The following FOSB variants were observed in gnomAD, a reference collection of about 807,000 sequenced individuals.
FOSB encodes FosB proto-oncogene, AP-1 transcription factor subunit.
In FOSB, 8 loss-of-function variants were observed where a neutral mutation model predicts 31.1. The ratio of observed to expected loss-of-function variants is 0.26; its 90% CI spans 0.15 to 0.46. The LOEUF is 0.46. Among genes scored for constraint, FOSB ranks in the 20% least tolerant of loss-of-function variants. The pLI is 0.99. For missense variants in FOSB, 376 were observed against 460.6 expected (o/e 0.82, Z 1.68); for synonymous variants, 214 against 206.1 (o/e 1.04, Z -0.33).
At position 45,472,886 on chromosome 19, in the gene FOSB, C is replaced by A. The variant is rs1390201801; in HGVS notation, c.891C>A (p.Asn297Lys). Reference protein sequence around the residue: ...QVLGDPFPVVNPSYTSSFVLT... With the variant: ...QVLGDPFPVVKPSYTSSFVLT... ...TCGGCGACCCCTTCCCCGTTGTTAA[C>A]CCTTCGTACACTTCTTCGTTTGTCC... The change falls in exon 4 of 4, where the codon AAC (asparagine) becomes AAA (lysine). Residue 297 changes from asparagine (N) to lysine (K), a missense_variant. By Grantham distance (94) the Asn-to-Lys change is moderately conservative. This residue lies in a region of FOSB where 148 missense variants were observed against 170.0 expected (regional missense o/e 0.87). Coordinates refer to ENST00000353609, the MANE Select transcript of FOSB (RefSeq NM_006732.3). The surrounding 1 kb of genome is among the most constrained non-coding windows in gnomAD (Gnocchi z 5.4). 2 of 1,614,094 alleles carry A rather than the reference C, an allele frequency of 1.2e-6. No homozygotes were observed. The highest frequency in any genetic ancestry group is 1.7e-6 in the Non-Finnish European group (2 of 1,180,052).
rs1478897324 is a variant in FOSB at position 45,472,695 on chromosome 19, C to T, written c.700C>T (p.Pro234Ser). The T allele has an allele frequency of 6.2e-7, 1 of 1,608,614 alleles. No individual in the cohort carries two copies. Among genetic ancestry groups the T allele is most frequent in the African/African-American group, 1.3e-5 (1 of 74,734 alleles). ...CTACGAAGAGGGGCCCGGGCCGGGC[C>T]CGCTGGCGGAGGTGAGAGATTTGCC... ...IPYEEGPGPG[P>S]LAEVRDLPGS... Residue 234 changes from proline to serine, a missense_variant, in exon 4 of 4, where the codon CCG becomes TCG. By Grantham distance (74) the Pro-to-Ser change is moderately conservative. Around this residue, in one of 3 missense-constraint regions of FOSB, gnomAD observed 148 missense variants for 170.0 expected, o/e 0.87. Coordinates refer to ENST00000353609, the MANE Select transcript of FOSB (RefSeq NM_006732.3). The surrounding 1 kb of genome is among the most constrained non-coding windows in gnomAD (Gnocchi z 5.4).
chr19:45,471,967 T>A (rs948182313), intron 3 of FOSB: 4 of 152,436 alleles, frequency 2.6e-5, no homozygotes, highest in African/African-American at 9.7e-5. Context: ...CAGTGGCTCA[T>A]GCCTGTGATC....
Position 45,472,840 on chromosome 19 carries a change from C to T in FOSB, c.845C>T (p.Thr282Ile). ...CCCAACCTGACGGCTTCTCTCTTTACACACAGTGAAGTTCAAGTCCTCGGC... is the reference window on the plus strand; with the variant it reads ...CCCAACCTGACGGCTTCTCTCTTTATACACAGTGAAGTTCAAGTCCTCGGC... ...APPNLTASLF[T>I]HSEVQVLGDP... The change falls in exon 4 of 4, where the codon ACA becomes ATA. Residue 282 changes from threonine (T) to isoleucine (I), a missense_variant. Physicochemically the swap from Thr to Ile is moderately conservative, Grantham distance 89 (BLOSUM62 -1). Coordinates refer to ENST00000353609, the MANE Select transcript of FOSB (RefSeq NM_006732.3). The surrounding 1 kb of genome is among the most constrained non-coding windows in gnomAD (Gnocchi z 5.4). The T allele has an allele frequency of 6.2e-7, 1 of 1,614,222 alleles. No homozygotes were observed. Among genetic ancestry groups the T allele is most frequent in the East Asian group, 2.2e-5 (1 of 44,888 alleles).
At position 45,470,889 on chromosome 19, in the gene FOSB, C is replaced by T. The variant is rs1046677173; in HGVS notation, c.387C>T (p.Thr129=). 1 of 1,613,906 alleles carries T rather than the reference C, an allele frequency of 6.2e-7. No homozygotes were observed. The highest frequency in any genetic ancestry group is 1.1e-5 in the South Asian group (1 of 91,076). Residue 129 remains threonine, a synonymous_variant, in exon 2 of 4, where the codon ACC becomes ACT. Coordinates refer to ENST00000353609, the MANE Select transcript of FOSB (RefSeq NM_006732.3). ...GSGGPSTSGT[T]SGPGPARPAR... ...GTGGGCCTTCCACCAGCGGAACTACCAGTGGGCCTGGGCCTGCCCGCCCAG... is the reference window on the plus strand; with the variant it reads ...GTGGGCCTTCCACCAGCGGAACTACTAGTGGGCCTGGGCCTGCCCGCCCAG...
rs1967802639 is a variant in FOSB at position 45,475,089 on chromosome 19, T to A, written c.*2077T>A. On this transcript the variant is annotated 3_prime_UTR_variant, in exon 4 of 4. Transcript: ENST00000353609. ...TGGTTCTCTTTTTGTATTTTGCATC[T>A]GACCCCGGGGGGCTGGGACAGATTG... 2.0e-5 allele frequency: 3 copies of A among 152,666 alleles called. 1 individual carries two copies. The South Asian group carries it at 6.2e-4, about 32-fold the overall frequency. 9.5% of individuals were successfully genotyped at this position (152,666 alleles called of 1,614,324 possible). A position where few individuals can be genotyped will look rare whatever the true frequency, so the allele number is the denominator to read the frequency against.
rs1599891788 is a variant in FOSB at position 45,472,731 on chromosome 19, C to T, written c.736C>T (p.Pro246Ser). ...GGTGAGAGATTTGCCGGGCTCAGCACCGGCTAAGGAAGATGGCTTCAGCTG... is the reference window on the plus strand; with the variant it reads ...GGTGAGAGATTTGCCGGGCTCAGCATCGGCTAAGGAAGATGGCTTCAGCTG... The part of the protein sequence containing the change: ...AEVRDLPGSA[P>S]AKEDGFSWLL... The change falls in exon 4 of 4, where the codon CCG (proline) becomes TCG (serine). Residue 246 changes from proline (P) to serine (S), a missense_variant. Around this residue, in one of 3 missense-constraint regions of FOSB, gnomAD observed 148 missense variants for 170.0 expected, o/e 0.87. Transcript: ENST00000353609. This position sits in a 1 kb window ranked among gnomAD's most constrained non-coding sequence, Gnocchi z 5.4. 6.2e-7 allele frequency: 1 copy of T among 1,613,022 alleles called. No homozygotes were observed. Among genetic ancestry groups the T allele is most frequent in the Non-Finnish European group, 8.5e-7 (1 of 1,179,424 alleles).
At chr19:45,471,150 G>A in intron 2 of FOSB, 44 bp from the exon 3 acceptor site, 1 of 1,499,592 alleles carries the variant, frequency 6.7e-7, no homozygotes, top group Non-Finnish European at 9.1e-7. Flanking sequence ...GGGTGGAGGA[G>A]TGCTGTATCC....
In FOSB at chr19:45,472,253, C is replaced by T. The variant is rs1404479230; in HGVS notation, c.556-298C>T. Among the ~76,000 whole-genome samples the T allele has an allele frequency of 2.0e-5, 3 of 152,134 alleles. No homozygotes were observed. Among genetic ancestry groups the T allele is most frequent in the Non-Finnish European group, 1.5e-5 (1 of 68,028 alleles). On this transcript the variant is annotated intron_variant, in intron 3 of 3. Coordinates refer to ENST00000353609, the MANE Select transcript of FOSB (RefSeq NM_006732.3). This position sits in a 1 kb window ranked among gnomAD's most constrained non-coding sequence, Gnocchi z 5.4. ...GGCTCAAAAGCAAAACAAAACCAAC[C>T]ACATAACGATTGTTCATTCATTCAA...
Position 45,473,300 on chromosome 19 carries a change from T to G in FOSB, c.*288T>G. ...CACCCCCAGCTGACTGTTGGCTCTC[T>G]GACGTCAACCCAAGCTCTGGGGATG... On this transcript the variant is annotated 3_prime_UTR_variant, in exon 4 of 4. Coordinates refer to ENST00000353609, the MANE Select transcript of FOSB (RefSeq NM_006732.3). 1 of 198,892 alleles carries G rather than the reference T, an allele frequency of 5.0e-6. No individual in the cohort carries two copies. Among genetic ancestry groups the G allele is most frequent in the Non-Finnish European group, 9.7e-6 (1 of 103,304 alleles). 12.3% of individuals were successfully genotyped at this position (198,892 alleles called of 1,614,324 possible). A position where few individuals can be genotyped will look rare whatever the true frequency, so the allele number is the denominator to read the frequency against.
chr19:45,470,327 C>T (rs969576611), intron 1 of FOSB: 24 of 393,130 alleles, frequency 6.1e-5, no homozygotes, highest in Non-Finnish European at 9.7e-5. Context: ...CTCCTCTCCA[C>T]CCCCCATACC....
rs1272786718 is a variant in FOSB at position 45,472,672 on chromosome 19, A to G, written c.677A>G (p.Tyr226Cys). ...CACAAACCGGGCTGCAAGATCCCCT[A>G]CGAAGAGGGGCCCGGGCCGGGCCCG... ...VAHKPGCKIP[Y>C]EEGPGPGPLA... The change falls in exon 4 of 4, where the codon TAC becomes TGC. Residue 226 changes from tyrosine to cysteine, a missense_variant. Tyr to Cys is a radical substitution (Grantham distance 194, BLOSUM62 -2). Transcript: ENST00000353609. The surrounding 1 kb of genome is among the most constrained non-coding windows in gnomAD (Gnocchi z 5.4). 1 of 1,605,190 alleles carries G rather than the reference A, an allele frequency of 6.2e-7. No individual in the cohort carries two copies. The highest frequency in any genetic ancestry group is 1.1e-5 in the South Asian group (1 of 90,228).
At chr19:45,470,593 G>A (rs1315622807) in intron 1 of FOSB, 36 bp from the exon 2 acceptor site, 2 of 1,549,024 alleles carry the variant, frequency 1.3e-6, no homozygotes, top group Non-Finnish European at 1.7e-6. Flanking sequence ...CTTTGTTTGT[G>A]TGTCTACGCC....
Position 45,472,762 on chromosome 19 carries a change from T to G in FOSB, c.767T>G (p.Leu256Arg), listed in dbSNP as rs1967724891. ...PAKEDGFSWL[L>R]PPPPPPPLPF... ...AAGGAAGATGGCTTCAGCTGGCTGC[T>G]GCCGCCCCCGCCACCACCGCCCCTG... Residue 256 changes from leucine (L) to arginine (R), a missense_variant, in exon 4 of 4, where the codon CTG becomes CGG. Transcript: ENST00000353609. The surrounding 1 kb of genome is among the most constrained non-coding windows in gnomAD (Gnocchi z 5.4). The G allele has an allele frequency of 6.2e-7, 1 of 1,613,866 alleles. No individual in the cohort carries two copies. The highest frequency in any genetic ancestry group is 8.5e-7 in the Non-Finnish European group (1 of 1,179,924).
Position 45,473,284 on chromosome 19 carries a change from C to A in FOSB, c.*272C>A. The A allele has an allele frequency of 3.0e-6, 1 of 328,206 alleles. No individual in the cohort carries two copies. Among genetic ancestry groups the A allele is most frequent in the Non-Finnish European group, 5.7e-6 (1 of 175,462 alleles). 20.3% of individuals were successfully genotyped at this position (328,206 alleles called of 1,614,324 possible). ...GTGGGAAGGGGATGGACACCCCCAGCTGACTGTTGGCTCTCTGACGTCAAC... is the reference window on the plus strand; with the variant it reads ...GTGGGAAGGGGATGGACACCCCCAGATGACTGTTGGCTCTCTGACGTCAAC... On this transcript the variant is annotated 3_prime_UTR_variant, in exon 4 of 4. Transcript: ENST00000353609.
rs1456886962 is a variant in FOSB at position 45,468,430 on chromosome 19, C to A, written c.-157C>A. 1.3e-6 allele frequency: 1 copy of A among 774,522 alleles called. No homozygotes were observed. The highest frequency in any genetic ancestry group is 2.6e-5 in the East Asian group (1 of 38,124). 48.0% of individuals were successfully genotyped at this position (774,522 alleles called of 1,614,324 possible). A position where few individuals can be genotyped will look rare whatever the true frequency, so the allele number is the denominator to read the frequency against. ...TTGGAACGGGACGTTGCTCCTTCCC[C>A]GAGCTTCCCCGGACAGCGTACTTTG... On this transcript the variant is annotated 5_prime_UTR_variant, in exon 1 of 4. Coordinates refer to ENST00000353609, the MANE Select transcript of FOSB (RefSeq NM_006732.3). The surrounding 1 kb of genome is among the most constrained non-coding windows in gnomAD (Gnocchi z 4.8).
rs1323284240 is a variant in FOSB, at chr19:45,472,719, C to G, written c.724C>G (p.Pro242Ala). The G allele has an allele frequency of 3.1e-5, 50 of 1,610,482 alleles. No individual in the cohort carries two copies. The highest frequency in any genetic ancestry group is 4.0e-5 in the Non-Finnish European group (47 of 1,178,230). ...CCCGCTGGCGGAGGTGAGAGATTTGCCGGGCTCAGCACCGGCTAAGGAAGA... is the reference window on the plus strand; with the variant it reads ...CCCGCTGGCGGAGGTGAGAGATTTGGCGGGCTCAGCACCGGCTAAGGAAGA... Reference protein sequence around the residue: ...PGPLAEVRDLPGSAPAKEDGF... With the variant: ...PGPLAEVRDLAGSAPAKEDGF... Residue 242 changes from proline (P) to alanine (A), a missense_variant, in exon 4 of 4, where the codon CCG (proline) becomes GCG (alanine). By Grantham distance (27) the Pro-to-Ala change is conservative. Coordinates refer to ENST00000353609, the MANE Select transcript of FOSB (RefSeq NM_006732.3). The surrounding 1 kb of genome is among the most constrained non-coding windows in gnomAD (Gnocchi z 5.4).
At chr19:45,469,489 C>T (rs1430625394) in intron 1 of FOSB, among the ~76,000 whole-genome samples, 3 of 152,198 alleles carry the variant, frequency 2.0e-5, no homozygotes, top group Non-Finnish European at 4.4e-5. Flanking sequence ...ACCCGTGGTT[C>T]CTTGGCGGCT....
At position 45,470,794 on chromosome 19, in the gene FOSB, G is replaced by T; in HGVS notation, c.292G>T (p.Asp98Tyr). ...ASQPPVVDPY[D>Y]MPGTSYSTPG... is the part of the protein sequence containing the mutation. Reference sequence around the variant, plus strand: ...CCAGCCCCCGGTCGTCGACCCCTACGACATGCCGGGAACCAGCTACTCCAC... The same window carrying T: ...CCAGCCCCCGGTCGTCGACCCCTACTACATGCCGGGAACCAGCTACTCCAC... Residue 98 changes from aspartate (D) to tyrosine (Y), a missense_variant, in exon 2 of 4, where the codon GAC (aspartate) becomes TAC (tyrosine). Asp to Tyr is a radical substitution (Grantham distance 160). Transcript: ENST00000353609. The T allele has an allele frequency of 6.2e-7, 1 of 1,614,030 alleles. No homozygotes were observed. Among genetic ancestry groups the T allele is most frequent in the Non-Finnish European group, 8.5e-7 (1 of 1,180,024 alleles).
chr19:45,471,227 C>T lies in FOSB; in HGVS notation c.481C>T (p.Arg161Cys), dbSNP rs865814257. The change falls in exon 3 of 4, where the codon CGC (arginine) becomes TGC (cysteine). Residue 161 changes from arginine (R) to cysteine (C), a missense_variant. Transcript: ENST00000353609. ...TPEEEEKRRV[R>C]RERNKLAAAK... ...AGAGGAAGAGGAGAAGCGAAGGGTG[C>T]GCCGGGAACGAAATAAACTAGCAGC... 2 of 1,567,796 alleles carry T rather than the reference C, an allele frequency of 1.3e-6. No individual in the cohort carries two copies. The highest frequency in any genetic ancestry group is 1.7e-6 in the Non-Finnish European group (2 of 1,155,902).
Sources: gnomAD v4.1 joint callset for allele counts (sites outside exome capture counted in the v4.1 genomes callset) on GRCh38, gnomAD v4.1.1 for gene constraint, gnomAD v4.1.1 regional missense constraint, Gnocchi (gnomAD v3.1) non-coding constraint, MANE v1.5 for transcripts, NCBI Gene and HGNC (gene_info 2026-07-23, HGNC 2026-07-21) for gene names.